Variants in LNP1 observed in about 807,000 individuals in gnomAD.
LNP1 encodes the protein leukemia NUP98 fusion partner 1.
A neutral mutation model predicts 14.5 loss-of-function variants in LNP1; 12 were observed. That is an observed-to-expected ratio of 0.83 (90% CI 0.53 to 1.34). The LOEUF (loss-of-function observed/expected upper bound fraction) is 1.34. Among genes scored for constraint, LNP1 ranks in the 40% most tolerant of loss-of-function variants. The pLI, the probability that LNP1 is intolerant of heterozygous loss-of-function variation, is 0.00. For missense variants in LNP1, 198 were observed against 210.9 expected (o/e 0.94, Z 0.38); for synonymous variants, 75 against 71.4 (o/e 1.05, Z -0.26).
chr3:100,420,690 A>G (rs945156545), intron 1 of LNP1, among the ~76,000 whole-genome samples: 2 of 152,138 alleles, frequency 1.3e-5, no homozygotes, highest in African/African-American at 2.4e-5. Flanking sequence ...TATTCTAGTT[A>G]CTAGTCCTGT....
chr3:100,449,678 A>C (rs1374628056), intron 2 of LNP1, among the ~76,000 whole-genome samples: 3 of 152,130 alleles, frequency 2.0e-5, no homozygotes, highest in Non-Finnish European at 4.4e-5. Flanking sequence ...ACAACCAAAA[A>C]CATAAAGGCC....
In LNP1 at chr3:100,417,844, C is replaced by T. The variant is rs527283070; in HGVS notation, c.-33-11853C>T. Reference sequence around the variant, plus strand: ...CATATCTTTATAATTGTTAGTTAGTCTTGAATTCTTTTGATTTCTTTCTTC... The same window carrying T: ...CATATCTTTATAATTGTTAGTTAGTTTTGAATTCTTTTGATTTCTTTCTTC... On this transcript the variant is annotated intron_variant, in intron 1 of 3. Coordinates refer to ENST00000383693, the MANE Select transcript of LNP1 (RefSeq NM_001085451.2). Among the ~76,000 whole-genome samples the T allele has an allele frequency of 2.0e-4, 30 of 151,918 alleles. No homozygotes were observed. In the South Asian group the frequency reaches 2.5e-3, roughly 13 times the overall value.
At chr3:100,447,007 T>C (rs1246266524) in intron 2 of LNP1, among the ~76,000 whole-genome samples, 2 of 152,144 alleles carry the variant, frequency 1.3e-5, no homozygotes, top group Admixed American at 1.3e-4. Flanking sequence ...GGTGGGAGTG[T>C]AAATTAGTTC....
intron 1 of LNP1, among the ~76,000 whole-genome samples, chr3:100,425,631 G>C (rs1018405712): frequency 6.6e-6 from 1 of 152,050 alleles, no homozygotes; most frequent in Non-Finnish European, 1.5e-5. Context: ...CTTTTCCCCA[G>C]CCATTGTTTA....
chr3:100,418,276 T>C (rs1419491903), intron 1 of LNP1, among the ~76,000 whole-genome samples: 2 of 151,826 alleles, frequency 1.3e-5, no homozygotes, highest in Non-Finnish European at 2.9e-5. Context: ...CAGGCTGGTT[T>C]CGAACTCCTG....
chr3:100,444,406 A>G (rs910791762), intron 2 of LNP1, among the ~76,000 whole-genome samples: 2 of 152,216 alleles, frequency 1.3e-5, no homozygotes, highest in Non-Finnish European at 2.9e-5. Context: ...ACATACCAAT[A>G]ACATATTTAT....
chr3:100,431,935 C>A (rs1323180238), intron 2 of LNP1, among the ~76,000 whole-genome samples: 1 of 139,796 alleles, frequency 7.2e-6, no homozygotes, highest in Non-Finnish European at 1.5e-5. Flanking sequence ...GTCGAGGCTG[C>A]AGTGAACGGT....
At chr3:100,440,237 C>T (rs1383065446) in intron 2 of LNP1, among the ~76,000 whole-genome samples, 2 of 152,156 alleles carry the variant, frequency 1.3e-5, no homozygotes, top group African/African-American at 2.4e-5. Flanking sequence ...CTTTAAAGCC[C>T]TATAGCTAAG....
chr3:100,412,560 T>C (rs1378047425), intron 1 of LNP1, among the ~76,000 whole-genome samples: 1 of 152,216 alleles, frequency 6.6e-6, no homozygotes, highest in Non-Finnish European at 1.5e-5. Context: ...TTCTGCCTTG[T>C]TTTATAGTAT....
intron 1 of LNP1, among the ~76,000 whole-genome samples, chr3:100,409,608 T>TA (rs1559839244): frequency 4.3e-4 from 38 of 87,522 alleles, no homozygotes; most frequent in East Asian, 2.4e-3. Flanking sequence ...ATATATATAT[T>TA]TTTTTTTTTT....
chr3:100,412,554 G>A (rs2148899467), intron 1 of LNP1, among the ~76,000 whole-genome samples: 1 of 152,180 alleles, frequency 6.6e-6, no homozygotes, highest in South Asian at 2.1e-4. Flanking sequence ...CTACTTTTCT[G>A]CCTTGTTTTA....
At chr3:100,431,537 A>G (rs1298899750) in intron 2 of LNP1, among the ~76,000 whole-genome samples, 1 of 152,202 alleles carries the variant, frequency 6.6e-6, no homozygotes, top group East Asian at 1.9e-4. Flanking sequence ...AGAATGGAGA[A>G]ACAATAAGCA....
chr3:100,440,441 T>C (rs1230168662), intron 2 of LNP1, among the ~76,000 whole-genome samples: 2 of 152,220 alleles, frequency 1.3e-5, no homozygotes, highest in African/African-American at 4.8e-5. Flanking sequence ...CAAGGCTTTC[T>C]AAGAAGGCTG....
At chr3:100,434,448 C>G (rs1338347842) in intron 2 of LNP1, among the ~76,000 whole-genome samples, 1 of 151,784 alleles carries the variant, frequency 6.6e-6, no homozygotes, top group African/African-American at 2.4e-5. Context: ...TACCTGTTAC[C>G]TGTTACCATG....
chr3:100,426,764 C>T (rs1232210997), intron 1 of LNP1, among the ~76,000 whole-genome samples: 2 of 152,030 alleles, frequency 1.3e-5, no homozygotes, highest in Admixed American at 6.6e-5. Flanking sequence ...CTTAAATACT[C>T]AGAGTTTACA....
chr3:100,409,249 T>C (rs1211586199), intron 1 of LNP1, among the ~76,000 whole-genome samples: 1 of 152,194 alleles, frequency 6.6e-6, no homozygotes. Context: ...TATCAGCTCT[T>C]CTTAGGTGTA....
chr3:100,404,939 C>A (rs1706948967), intron 1 of LNP1, among the ~76,000 whole-genome samples: 1 of 151,352 alleles, frequency 6.6e-6, no homozygotes, highest in Non-Finnish European at 1.5e-5. Flanking sequence ...ACTACTGGCG[C>A]CCGCCACCAC....
chr3:100,432,448 G>A (rs1559844023), intron 2 of LNP1, among the ~76,000 whole-genome samples: 1 of 152,260 alleles, frequency 6.6e-6, no homozygotes, highest in African/African-American at 2.4e-5. Context: ...AAGAAGACAT[G>A]CCCAGTCCCC....
intron 1 of LNP1, among the ~76,000 whole-genome samples, chr3:100,418,888 C>G (rs1301390920): frequency 6.6e-6 from 1 of 152,178 alleles, no homozygotes; most frequent in Admixed American, 6.5e-5. Context: ...GAGAACAAAT[C>G]CCTCCCAGTT....
Sources: allele counts gnomAD v4.1 joint callset (sites outside exome capture counted in the v4.1 genomes callset), GRCh38; gene constraint gnomAD v4.1.1; transcripts MANE v1.5; gene names NCBI Gene and HGNC (gene_info 2026-07-23, HGNC 2026-07-21).